Variants in PREP observed in about 807,000 individuals in gnomAD.
The protein encoded by PREP is prolyl endopeptidase.
Under a neutral mutation model 87.6 loss-of-function variants are expected in PREP, and 29 were observed. The observed-to-expected ratio is 0.33, with a 90% CI of 0.25 to 0.45. The LOEUF is 0.45. Ranked by LOEUF, PREP falls within the 20% of genes least tolerant of loss-of-function variation. The pLI, the probability that PREP is intolerant of heterozygous loss-of-function variation, is 1.00. For synonymous variants in PREP, 337 were observed against 328.6 expected (o/e 1.03, Z -0.28); for missense variants, 695 against 886.5 (o/e 0.78, Z 2.74).
intron 5 of PREP, among the ~76,000 whole-genome samples, chr6:105,371,702 A>G (rs1373982654): frequency 6.6e-6 from 1 of 152,052 alleles, no homozygotes; most frequent in Non-Finnish European, 1.5e-5. Context: ...CATGGCACTT[A>G]AGTGATTGTC....
At chr6:105,385,359 T>C (rs1025736821) in intron 2 of PREP, among the ~76,000 whole-genome samples, 6 of 149,800 alleles carry the variant, frequency 4.0e-5, no homozygotes, top group African/African-American at 1.5e-4. Context: ...AAGATGATGC[T>C]ACAGATACTC....
intron 10 of PREP, among the ~76,000 whole-genome samples, chr6:105,311,209 C>T (rs1049523661): frequency 4.6e-5 from 7 of 152,210 alleles, no homozygotes; most frequent in African/African-American, 9.7e-5. Context: ...CTTCACAAAA[C>T]GGAAAATGAT....
At chr6:105,389,075 G>C (rs1773074075) in intron 2 of PREP, among the ~76,000 whole-genome samples, 1 of 152,188 alleles carries the variant, frequency 6.6e-6, no homozygotes, top group Non-Finnish European at 1.5e-5. Flanking sequence ...AATAAAAACA[G>C]ATAAGAGTCT....
chr6:105,361,751 T>C (rs1213413318), intron 6 of PREP, among the ~76,000 whole-genome samples: 1 of 152,230 alleles, frequency 6.6e-6, no homozygotes, highest in Admixed American at 6.5e-5. Context: ...CATGGCAACA[T>C]CCCTTTAATA....
intron 2 of PREP, among the ~76,000 whole-genome samples, chr6:105,388,975 C>G (rs1470691266): frequency 4.6e-5 from 7 of 152,242 alleles, no homozygotes. Flanking sequence ...TTACAAGTCA[C>G]AGTTCCAATG....
chr6:105,383,133 T>C (rs529984521), intron 2 of PREP, among the ~76,000 whole-genome samples: 2 of 151,898 alleles, frequency 1.3e-5, no homozygotes, highest in South Asian at 2.1e-4. Context: ...AGGTAGGTCA[T>C]GCACAAAAGA....
chr6:105,328,792 T>G (rs1243275454), intron 9 of PREP, 37 bp downstream of exon 9: 1 of 1,602,540 alleles, frequency 6.2e-7, no homozygotes, highest in South Asian at 1.1e-5. Context: ...ACCAGTCGGA[T>G]TTTTAAAGTG....
At chr6:105,395,684 C>T (rs1200449800) in intron 2 of PREP, among the ~76,000 whole-genome samples, 1 of 152,196 alleles carries the variant, frequency 6.6e-6, no homozygotes, top group Non-Finnish European at 1.5e-5. Context: ...TTGTCATCCA[C>T]GAACCTGTCA....
chr6:105,329,040 A>C lies in PREP; in HGVS notation c.1016-14T>G. On this transcript the variant is annotated splice_polypyrimidine_tract_variant and intron_variant, in intron 8 of 14. Transcript: ENST00000652536. ...AAGCTATCCATTCTGAAAGGATAAG[A>C]AGAGAAAAAACCTAATGCAATTTAA... is the stretch of plus-strand genomic sequence containing the variant. 2 of 1,606,354 alleles carry C rather than the reference A, an allele frequency of 1.2e-6. No homozygotes were observed. The highest frequency in any genetic ancestry group is 2.2e-5 in the South Asian group (2 of 90,852).
intron 2 of PREP, among the ~76,000 whole-genome samples, chr6:105,397,402 CTGT>C (rs1460684151): frequency 6.6e-6 from 1 of 152,104 alleles, no homozygotes; most frequent in African/African-American, 2.4e-5. Flanking sequence ...TTTTGTTTCA[CTGT>C]TGTTGTGTTG....
chr6:105,381,491 T>C (rs1167715643), intron 2 of PREP, among the ~76,000 whole-genome samples: 1 of 152,104 alleles, frequency 6.6e-6, no homozygotes, highest in African/African-American at 2.4e-5. Flanking sequence ...TGTTACATGG[T>C]GATAAGGAAG....
rs896676797 is a variant in PREP, at chr6:105,402,833, G to A, written c.45+14C>T. Reference sequence around the variant, plus strand: ...TTGCCCGGGAGCCCTCTGGGCGGAGGCAGAGATACTTACGGCGGTCTCGTC... The same window carrying A: ...TTGCCCGGGAGCCCTCTGGGCGGAGACAGAGATACTTACGGCGGTCTCGTC... On this transcript the variant is annotated intron_variant, in intron 1 of 14. Transcript: ENST00000652536. 6.5e-7 allele frequency: 1 copy of A among 1,541,186 alleles called. No individual in the cohort carries two copies. The highest frequency in any genetic ancestry group is 8.8e-7 in the Non-Finnish European group (1 of 1,141,640).
chr6:105,344,944 C>A (rs6936682), intron 7 of PREP, among the ~76,000 whole-genome samples: 1 of 152,104 alleles, frequency 6.6e-6, no homozygotes, highest in Non-Finnish European at 1.5e-5. Flanking sequence ...TAAATACATA[C>A]TACAAGTCAT....
At chr6:105,314,521 G>C (rs555325595) in intron 10 of PREP, among the ~76,000 whole-genome samples, 1 of 152,318 alleles carries the variant, frequency 6.6e-6, no homozygotes, top group Admixed American at 6.5e-5. Flanking sequence ...AGCAGGAATA[G>C]ATTCCATCTC....
At chr6:105,328,728 T>C (rs1771237700) in intron 9 of PREP, 101 bp downstream of exon 9, 3 of 1,275,154 alleles carry the variant, frequency 2.4e-6, no homozygotes, top group South Asian at 1.3e-5. Context: ...ATACAGCATA[T>C]GTGATTTTCA....
intron 2 of PREP, among the ~76,000 whole-genome samples, chr6:105,385,282 TTA>T (rs1491564537): frequency 2.2e-4 from 28 of 129,672 alleles, no homozygotes; most frequent in African/African-American, 1.0e-3. Context: ...TAGATCTGCT[TTA>T]AAAAAAAAAA....
At chr6:105,283,080 C>T (rs1242896659) in intron 12 of PREP, among the ~76,000 whole-genome samples, 1 of 152,238 alleles carries the variant, frequency 6.6e-6, no homozygotes, top group Non-Finnish European at 1.5e-5. Context: ...GCTTCCCACC[C>T]CACCTCTGCA....
intron 10 of PREP, among the ~76,000 whole-genome samples, chr6:105,292,239 A>AG: frequency 6.6e-6 from 1 of 152,336 alleles, no homozygotes; most frequent in Middle Eastern, 3.4e-3. Context: ...GATCCATCAG[A>AG]GGAACGTATG....
At chr6:105,304,423 C>T (rs12211668) in intron 10 of PREP, among the ~76,000 whole-genome samples, 5,049 of 152,212 alleles carry the variant, frequency 0.033, 119 homozygotes, top group Middle Eastern at 0.058. Flanking sequence ...AGTAAGGAAC[C>T]CAAGTCATAC....
Sources: gnomAD v4.1 joint callset for allele counts (sites outside exome capture counted in the v4.1 genomes callset) on GRCh38, gnomAD v4.1.1 for gene constraint, MANE v1.5 for transcripts, NCBI Gene and HGNC (gene_info 2026-07-23, HGNC 2026-07-21) for gene names.